Variants in CHRNG observed in about 807,000 individuals in gnomAD.
CHRNG encodes the protein acetylcholine receptor subunit gamma.
A neutral mutation model predicts 65.2 loss-of-function variants in CHRNG; 72 were observed. The ratio of observed to expected loss-of-function variants is 1.10; its 90% CI spans 0.91 to 1.34. CHRNG has a LOEUF of 1.34. Among genes scored for constraint, CHRNG ranks in the 40% most tolerant of loss-of-function variants. CHRNG has a pLI of 0.00. For missense variants in CHRNG, 637 were observed against 680.1 expected (o/e 0.94, Z 0.70); for synonymous variants, 284 against 290.2 (o/e 0.98, Z 0.22).
intron 5 of CHRNG, chr2:232,542,002 C>T (rs145439195): frequency 1.0e-4 from 32 of 311,366 alleles, no homozygotes; most frequent in African/African-American, 6.0e-4. Flanking sequence ...GAGGAGGGCC[C>T]GGGGGAGGGT....
chr2:232,541,871 C>T lies in CHRNG; in HGVS notation c.506+342C>T. 2.5e-6 allele frequency: 1 copy of T among 401,440 alleles called. No individual in the cohort carries two copies. Among genetic ancestry groups the T allele is most frequent in the Non-Finnish European group, 4.7e-6 (1 of 213,346 alleles). The allele number at this position is 401,440 out of a possible 1,614,324, so 24.9% of individuals were successfully genotyped here. ...ACGAAACCACTGCACACTCCAGGCC[C>T]ACAGGGAGGCAGGGCTGTCCTGTGA... On this transcript the variant is annotated intron_variant, in intron 5 of 11. Transcript: ENST00000651502. The surrounding 1 kb of genome is among the most constrained non-coding windows in gnomAD (Gnocchi z 4.0).
At position 232,542,988 on chromosome 2, in the gene CHRNG, C is replaced by G. The variant is rs773121173; in HGVS notation, c.711C>G (p.Ile237Met). ...GHQKVVFYLLIQRKPLFYVIN... is the reference protein window; with the variant it reads ...GHQKVVFYLLMQRKPLFYVIN... ...AGAAGGTGGTGTTCTACCTGCTCAT[C>G]CAGCGCAAGCCCCTCTTCTACGTCA... The change falls in exon 7 of 12, where the codon ATC (isoleucine) becomes ATG (methionine). Residue 237 changes from isoleucine to methionine, a missense_variant. Transcript: ENST00000651502. 2.5e-6 allele frequency: 4 copies of G among 1,614,056 alleles called. No individual in the cohort carries two copies. In the African/African-American group the frequency reaches 5.3e-5, roughly 22 times the overall value.
Position 232,541,787 on chromosome 2 carries a change from C to T in CHRNG, c.506+258C>T, listed in dbSNP as rs576569106. On this transcript the variant is annotated intron_variant, in intron 5 of 11. Coordinates refer to ENST00000651502, the MANE Select transcript of CHRNG (RefSeq NM_005199.5). This position sits in a 1 kb window ranked among gnomAD's most constrained non-coding sequence, Gnocchi z 4.0. ...CCTGTGCTCCAAGGGGAGACATTCA[C>T]GCCTGGGGTGCGTGGGTGAGAAGGC... The T allele has an allele frequency of 7.0e-5, 40 of 571,718 alleles. No homozygotes were observed. Among genetic ancestry groups the T allele is most frequent in the East Asian group, 6.2e-4 (21 of 33,614 alleles). The allele number at this position is 571,718 out of a possible 1,614,324, so 35.4% of individuals were successfully genotyped here.
At position 232,547,172 on chromosome 2, in the gene CHRNG, C is replaced by T. The variant is rs1478381216; in HGVS notation, c.*1456C>T. Among the ~76,000 whole-genome samples the T allele has an allele frequency of 6.6e-6, 1 of 152,152 alleles. No homozygotes were observed. The highest frequency in any genetic ancestry group is 6.5e-5 in the Admixed American group (1 of 15,276). On this transcript the variant is annotated 3_prime_UTR_variant, in exon 12 of 12. Transcript: ENST00000651502. ...CTGCAATCCCAGCACCTTGGGAGGACAAGGTGGGTGGACTGCTTGAGCTCA... is the reference window on the plus strand; with the variant it reads ...CTGCAATCCCAGCACCTTGGGAGGATAAGGTGGGTGGACTGCTTGAGCTCA...
Position 232,540,762 on chromosome 2 carries a change from G to A in CHRNG, c.350+51G>A, listed in dbSNP as rs561302537. The stretch of plus-strand genomic sequence containing the variant: ...GTGGGGGACAAAGGACACAGGGTCT[G>A]GGCCCAGCAGAACAAGGCACTCTGG... On this transcript the variant is annotated intron_variant, in intron 4 of 11. Coordinates refer to ENST00000651502, the MANE Select transcript of CHRNG (RefSeq NM_005199.5). This position sits in a 1 kb window ranked among gnomAD's most constrained non-coding sequence, Gnocchi z 4.2. 2 of 1,505,328 alleles carry A rather than the reference G, an allele frequency of 1.3e-6. No homozygotes were observed. Among genetic ancestry groups the A allele is most frequent in the Non-Finnish European group, 1.8e-6 (2 of 1,098,316 alleles). 93.2% of individuals were successfully genotyped at this position (1,505,328 alleles called of 1,614,324 possible). A position where few individuals can be genotyped will look rare whatever the true frequency, so the allele number is the denominator to read the frequency against.
At position 232,541,429 on chromosome 2, in the gene CHRNG, G is replaced by A. The variant is rs769760285; in HGVS notation, c.406G>A (p.Gly136Ser). The stretch of plus-strand genomic sequence containing the variant: ...CTGCAATGTGCTCGTGTCCCCTGAC[G>A]GCTGTATCTACTGGCTGCCGCCTGC... ...LYCNVLVSPD[G>S]CIYWLPPAIF... The change falls in exon 5 of 12, where the codon GGC (glycine) becomes AGC (serine). Residue 136 changes from glycine (G) to serine (S), a missense_variant. Coordinates refer to ENST00000651502, the MANE Select transcript of CHRNG (RefSeq NM_005199.5). This position sits in a 1 kb window ranked among gnomAD's most constrained non-coding sequence, Gnocchi z 4.0. The A allele has an allele frequency of 1.1e-5, 17 of 1,614,006 alleles. 1 individual carries two copies. The Admixed American group carries it at 1.5e-4, about 14-fold the overall frequency.
chr2:232,543,483 C>CA, intron 8 of CHRNG, 94 bp downstream of exon 8: 1 of 1,178,364 alleles, frequency 8.5e-7, no homozygotes, highest in South Asian at 1.3e-5. Context: ...TCCATCCACC[C>CA]CCCCCATCCT....
chr2:232,541,504 T>G lies in CHRNG; in HGVS notation c.481T>G (p.Trp161Gly), dbSNP rs1292234702. The change falls in exon 5 of 12, where the codon TGG (tryptophan) becomes GGG (glycine). Residue 161 changes from tryptophan to glycine, a missense_variant. Coordinates refer to ENST00000651502, the MANE Select transcript of CHRNG (RefSeq NM_005199.5). This position sits in a 1 kb window ranked among gnomAD's most constrained non-coding sequence, Gnocchi z 4.0. ...CTCAGTCACCTACTTCCCCTTCGACTGGCAGAACTGCTCCCTTATCTTCCA... is the reference window on the plus strand; with the variant it reads ...CTCAGTCACCTACTTCCCCTTCGACGGGCAGAACTGCTCCCTTATCTTCCA... The part of the protein sequence containing the change: ...SISVTYFPFD[W>G]QNCSLIFQSQ... 2 of 1,613,932 alleles carry G rather than the reference T, an allele frequency of 1.2e-6. No homozygotes were observed. The highest frequency in any genetic ancestry group is 1.7e-6 in the Non-Finnish European group (2 of 1,179,988).
Position 232,541,238 on chromosome 2 carries a change from C to A in CHRNG, c.351-136C>A. 1.8e-6 allele frequency: 2 copies of A among 1,101,064 alleles called. No homozygotes were observed. Among genetic ancestry groups the A allele is most frequent in the Non-Finnish European group, 2.7e-6 (2 of 733,376 alleles). The allele number at this position is 1,101,064 out of a possible 1,614,324, so 68.2% of individuals were successfully genotyped here. On this transcript the variant is annotated intron_variant, in intron 4 of 11. Coordinates refer to ENST00000651502, the MANE Select transcript of CHRNG (RefSeq NM_005199.5). The surrounding 1 kb of genome is among the most constrained non-coding windows in gnomAD (Gnocchi z 4.0). ...GGGACCTAGTGGTCCGGGTGGGAAC[C>A]AGTCAGGGGGTGACAGGCTGGTAGG...
At chr2:232,545,333 GGAAA>G (rs1025891297) in intron 11 of CHRNG, among the ~76,000 whole-genome samples, 1 of 146,462 alleles carries the variant, frequency 6.8e-6, no homozygotes, top group African/African-American at 2.5e-5. Flanking sequence ...AAAAAAAAAA[GGAAA>G]GAAAGAAAGA....
chr2:232,547,453 A>G lies in CHRNG; in HGVS notation c.*1737A>G, dbSNP rs1349802197. ...AAAAATTACAAAACTGAAAAAAGAAAAGTGAAAGTGCCACATAAAGGCCTG... is the reference window on the plus strand; with the variant it reads ...AAAAATTACAAAACTGAAAAAAGAAGAGTGAAAGTGCCACATAAAGGCCTG... On this transcript the variant is annotated 3_prime_UTR_variant, in exon 12 of 12. Transcript: ENST00000651502. Among the ~76,000 whole-genome samples, 1 of 152,158 alleles carries G rather than the reference A, an allele frequency of 6.6e-6. No homozygotes were observed. Among genetic ancestry groups the G allele is most frequent in the Non-Finnish European group, 1.5e-5 (1 of 68,020 alleles).
chr2:232,540,247 G>A lies in CHRNG; in HGVS notation c.195+116G>A, dbSNP rs1443277121. The A allele has an allele frequency of 6.2e-7, 1 of 1,603,182 alleles. No homozygotes were observed. Among genetic ancestry groups the A allele is most frequent in the Non-Finnish European group, 8.5e-7 (1 of 1,170,928 alleles). Reference sequence around the variant, plus strand: ...AGGGCCCTAAATCGGACAGGCTGGGGTCTGGAAAACCCCCATGGTTGTGGG... The same window carrying A: ...AGGGCCCTAAATCGGACAGGCTGGGATCTGGAAAACCCCCATGGTTGTGGG... On this transcript the variant is annotated intron_variant, in intron 2 of 11. Transcript: ENST00000651502. This position sits in a 1 kb window ranked among gnomAD's most constrained non-coding sequence, Gnocchi z 4.2.
rs1374619714 is a variant in CHRNG at position 232,545,429 on chromosome 2, G to A, written c.1381-114G>A. 4.0e-6 allele frequency: 4 copies of A among 991,774 alleles called. No homozygotes were observed. The African/African-American group carries it at 6.4e-5, about 16-fold the overall frequency. 61.4% of individuals were successfully genotyped at this position (991,774 alleles called of 1,614,324 possible). On this transcript the variant is annotated intron_variant, in intron 11 of 11. Coordinates refer to ENST00000651502, the MANE Select transcript of CHRNG (RefSeq NM_005199.5). The stretch of plus-strand genomic sequence containing the variant: ...CCAGTTGGGACCCGGACATAGGTAA[G>A]AAGGGCCCCAGGAAATGGAGACATG...
At chr2:232,544,200 G>A (rs1465727989) in intron 9 of CHRNG, among the ~76,000 whole-genome samples, 167 bp from the exon 10 acceptor site, 1 of 152,228 alleles carries the variant, frequency 6.6e-6, no homozygotes, top group East Asian at 1.9e-4. Flanking sequence ...GTGCACTGAA[G>A]TTTGGGGACC....
Position 232,543,517 on chromosome 2 carries a change from G to A in CHRNG, c.921-68G>A, listed in dbSNP as rs1300721088. On this transcript the variant is annotated intron_variant, in intron 8 of 11. Transcript: ENST00000651502. ...CTCAATTCAGGAGGCCTGAGGGGGG[G>A]CAGCCACTAAGCGTGGGGGTGGCAT... 6.4e-6 allele frequency: 8 copies of A among 1,242,210 alleles called. 1 individual carries two copies. In the Admixed American group the frequency reaches 1.1e-4, roughly 17 times the overall value. The allele number at this position is 1,242,210 out of a possible 1,614,324, so 76.9% of individuals were successfully genotyped here.
rs944288485 is a variant in CHRNG at position 232,545,897 on chromosome 2, T to A, written c.*181T>A. The A allele has an allele frequency of 3.7e-5, 28 of 750,462 alleles. No individual in the cohort carries two copies. The highest frequency in any genetic ancestry group is 5.5e-5 in the Non-Finnish European group (24 of 440,162). 46.5% of individuals were successfully genotyped at this position (750,462 alleles called of 1,614,324 possible). A position where few individuals can be genotyped will look rare whatever the true frequency, so the allele number is the denominator to read the frequency against. On this transcript the variant is annotated 3_prime_UTR_variant, in exon 12 of 12. Transcript: ENST00000651502. ...AGTCTGAGCTGGAGTCCGAGAGTGGTTGGGGGTGGGCCGTGGCTAGTGTCC... is the reference window on the plus strand; with the variant it reads ...AGTCTGAGCTGGAGTCCGAGAGTGGATGGGGGTGGGCCGTGGCTAGTGTCC...
Position 232,540,459 on chromosome 2 carries a change from G to A in CHRNG, c.240+34G>A, listed in dbSNP as rs776370707. On this transcript the variant is annotated intron_variant, in intron 3 of 11. Transcript: ENST00000651502. This position sits in a 1 kb window ranked among gnomAD's most constrained non-coding sequence, Gnocchi z 4.2. ...CCACCCTGCCACCCTCCTTCCATCA[G>A]GGGTCCCACCCCACCACCCCAAGGC... 6.8e-6 allele frequency: 11 copies of A among 1,612,254 alleles called. No homozygotes were observed. The highest frequency in any genetic ancestry group is 7.6e-6 in the Non-Finnish European group (9 of 1,179,690).
Position 232,541,205 on chromosome 2 carries a change from T to G in CHRNG, c.351-169T>G, listed in dbSNP as rs1574643758. The stretch of plus-strand genomic sequence containing the variant: ...TCTGGGGCGGGGGGTGGCAGGAGGA[T>G]TGCTGGGGGGACCTAGTGGTCCGGG... On this transcript the variant is annotated intron_variant, in intron 4 of 11. Transcript: ENST00000651502. This position sits in a 1 kb window ranked among gnomAD's most constrained non-coding sequence, Gnocchi z 4.0. 7.0e-6 allele frequency among the ~76,000 whole-genome samples: 1 copy of G among 143,352 alleles called. No individual in the cohort carries two copies. Among genetic ancestry groups the G allele is most frequent in the African/African-American group, 2.6e-5 (1 of 38,900 alleles). The allele number at this position is 143,352 out of a possible 152,430, so 94.0% of individuals were successfully genotyped here.
Position 232,540,708 on chromosome 2 carries a change from A to G in CHRNG, c.347A>G (p.Asn116Ser). Residue 116 changes from asparagine (N) to serine (S), a missense_variant, in exon 4 of 12, where the codon AAC (asparagine) becomes AGC (serine). By Grantham distance (46) the Asn-to-Ser change is conservative. Coordinates refer to ENST00000651502, the MANE Select transcript of CHRNG (RefSeq NM_005199.5). This position sits in a 1 kb window ranked among gnomAD's most constrained non-coding sequence, Gnocchi z 4.2. ...TGGCGGCCGGATATCGTGCTGGAGA[A>G]CAAGTGAGGAGGGGGTGCAGGCAGG... The part of the protein sequence containing the change: ...MVWRPDIVLE[N>S]NVDGVFEVAL... 1 of 1,610,916 alleles carries G rather than the reference A, an allele frequency of 6.2e-7. No homozygotes were observed. Among genetic ancestry groups the G allele is most frequent in the Non-Finnish European group, 8.5e-7 (1 of 1,179,424 alleles).
Sources: allele counts gnomAD v4.1 joint callset (sites outside exome capture counted in the v4.1 genomes callset), GRCh38; gene constraint gnomAD v4.1.1; non-coding constraint Gnocchi (gnomAD v3.1); transcripts MANE v1.5; gene names NCBI Gene and HGNC (gene_info 2026-07-23, HGNC 2026-07-21).